Variants in KAZN observed in about 807,000 individuals in gnomAD.
The protein encoded by KAZN is kazrin, periplakin interacting protein.
Under a neutral mutation model 87.4 loss-of-function variants are expected in KAZN, and 40 were observed. The observed-to-expected ratio is 0.46, with a 90% CI of 0.36 to 0.60. The LOEUF (loss-of-function observed/expected upper bound fraction) is 0.60, where lower values mean the gene tolerates loss of function less well. Ranked by LOEUF, KAZN falls within the 20% of genes least tolerant of loss-of-function variation. KAZN has a pLI of 0.00. For missense variants in KAZN, 898 were observed against 1,073.9 expected (o/e 0.84, Z 2.29); for synonymous variants, 466 against 458.3 (o/e 1.02, Z -0.22).
intron 1 of KAZN, among the ~76,000 whole-genome samples, chr1:14,793,198 G>A (rs1645731524): frequency 6.6e-6 from 1 of 152,136 alleles, no homozygotes; most frequent in Non-Finnish European, 1.5e-5. Flanking sequence ...CAGTGGCCTG[G>A]GCAGGAAATG....
At chr1:14,098,894 C>G (rs1644186687) in intron 1 of KAZN, among the ~76,000 whole-genome samples, 1 of 152,196 alleles carries the variant, frequency 6.6e-6, no homozygotes, top group Non-Finnish European at 1.5e-5. Flanking sequence ...CATGTTGGCA[C>G]CCACACACAT....
intron 2 of KAZN, among the ~76,000 whole-genome samples, chr1:14,408,419 A>G (rs954291111): frequency 6.6e-6 from 1 of 152,226 alleles, no homozygotes; most frequent in East Asian, 1.9e-4. Context: ...GGAAAGCCAG[A>G]TGTATTAGTC....
chr1:14,452,622 G>A (rs1323333876), intron 2 of KAZN, among the ~76,000 whole-genome samples: 2 of 152,044 alleles, frequency 1.3e-5, no homozygotes, highest in Non-Finnish European at 2.9e-5. Flanking sequence ...TGTGGAATTG[G>A]CATACAGGGA....
intron 2 of KAZN, among the ~76,000 whole-genome samples, chr1:15,017,203 C>T (rs1391865953): frequency 6.6e-6 from 1 of 151,760 alleles, no homozygotes; most frequent in Non-Finnish European, 1.5e-5. Flanking sequence ...GAGGCTGAGG[C>T]ACGAGAATTG....
chr1:14,385,910 G>A (rs1047041009), intron 2 of KAZN, among the ~76,000 whole-genome samples: 47 of 147,766 alleles, frequency 3.2e-4, no homozygotes, highest in African/African-American at 1.1e-3. Context: ...GTTGACAGTG[G>A]GGTGTTAAAA....
chr1:14,546,123 GT>G (rs1673125638), intron 2 of KAZN, among the ~76,000 whole-genome samples: 1 of 152,180 alleles, frequency 6.6e-6, no homozygotes. Context: ...GTAGGTTCCT[GT>G]GATTGAAATC....
rs897583057 is a variant in KAZN, at chr1:15,032,873, C to T, written c.419-1876C>T. Among the ~76,000 whole-genome samples, 7 of 151,142 alleles carry T rather than the reference C, an allele frequency of 4.6e-5. No homozygotes were observed. In the East Asian group the frequency reaches 1.4e-3, roughly 30 times the overall value. On this transcript the variant is annotated intron_variant, in intron 2 of 14. Coordinates refer to ENST00000376030, the MANE Select transcript of KAZN (RefSeq NM_201628.3). ...CTGAGGCAGGAGAATCACTCGAACC[C>T]GGGAGGCGGAGATTGCAGTGAGCCG...
At chr1:14,914,236 C>T (rs922312400) in intron 1 of KAZN, among the ~76,000 whole-genome samples, 2 of 152,332 alleles carry the variant, frequency 1.3e-5, no homozygotes, top group African/African-American at 4.8e-5. Flanking sequence ...AGGGGCCACA[C>T]TTTGAGAACC....
At chr1:14,976,932 G>A (rs937371630) in intron 2 of KAZN, among the ~76,000 whole-genome samples, 5 of 152,150 alleles carry the variant, frequency 3.3e-5, no homozygotes, top group Non-Finnish European at 5.9e-5. Context: ...GTGGGCGCCT[G>A]TAATCCCAGC....
chr1:14,159,546 C>G (rs1033421378), intron 1 of KAZN, among the ~76,000 whole-genome samples: 13 of 152,308 alleles, frequency 8.5e-5, no homozygotes, highest in Admixed American at 2.6e-4. Flanking sequence ...AAATGCGGTC[C>G]AAAAGCCAAG....
chr1:14,649,163 T>G (rs1240836767), intron 1 of KAZN, among the ~76,000 whole-genome samples: 1 of 152,236 alleles, frequency 6.6e-6, no homozygotes, highest in African/African-American at 2.4e-5. Context: ...CTGAATTTTT[T>G]AGCTGAGTAA....
At chr1:14,994,817 C>T (rs896806504) in intron 2 of KAZN, among the ~76,000 whole-genome samples, 2 of 152,202 alleles carry the variant, frequency 1.3e-5, no homozygotes, top group Non-Finnish European at 2.9e-5. Flanking sequence ...TCAAACCTGC[C>T]TTATAAGAGG....
intron 2 of KAZN, among the ~76,000 whole-genome samples, chr1:14,381,488 G>A (rs1199039349): frequency 6.6e-6 from 1 of 152,140 alleles, no homozygotes; most frequent in Admixed American, 6.5e-5. Context: ...ATGACCAAGT[G>A]GGATTTATCC....
At chr1:14,896,421 C>A (rs998118797) in intron 1 of KAZN, among the ~76,000 whole-genome samples, 1 of 152,174 alleles carries the variant, frequency 6.6e-6, no homozygotes, top group Non-Finnish European at 1.5e-5. Flanking sequence ...AATATCAGTT[C>A]GGGTTTCACA....
intron 1 of KAZN, among the ~76,000 whole-genome samples, chr1:14,881,697 T>G (rs1164610606): frequency 6.6e-6 from 1 of 152,218 alleles, no homozygotes; most frequent in Non-Finnish European, 1.5e-5. Flanking sequence ...TCAAATCACC[T>G]GGAATCAAGT....
rs71000360 is a variant in KAZN, at chr1:15,041,331, C to CTTTTTT, written c.556-2648_556-2643dup. Among the ~76,000 whole-genome samples the CTTTTTT allele has an allele frequency of 4.4e-5, 5 of 114,172 alleles. 1 individual carries two copies. Among genetic ancestry groups the CTTTTTT allele is most frequent in the South Asian group, 2.9e-4 (1 of 3,432 alleles). The allele number at this position is 114,172 out of a possible 152,430, so 74.9% of individuals were successfully genotyped here. ...GTATTCTACTCTCCGCATTTTTTTT[C>CTTTTTT]TTTTTTTTTTTTTTTGTTTTTTTGA... On this transcript the variant is annotated intron_variant, in intron 3 of 14. Transcript: ENST00000376030.
At chr1:14,102,702 C>CT (rs548369304) in intron 1 of KAZN, among the ~76,000 whole-genome samples, 10 of 152,210 alleles carry the variant, frequency 6.6e-5, no homozygotes, top group Non-Finnish European at 1.0e-4. Flanking sequence ...TGTATTAGCT[C>CT]TTATGGCTGC....
At chr1:15,034,439 G>A (rs1298181648) in intron 2 of KAZN, among the ~76,000 whole-genome samples, 2 of 152,146 alleles carry the variant, frequency 1.3e-5, no homozygotes, top group African/African-American at 4.8e-5. Context: ...AGCCCACCAG[G>A]CCTCAGTTCT....
chr1:14,451,456 T>C (rs1351379707), intron 2 of KAZN, among the ~76,000 whole-genome samples: 1 of 152,078 alleles, frequency 6.6e-6, no homozygotes, highest in African/African-American at 2.4e-5. Context: ...CAGCTGAGAC[T>C]GAGTTTCTGG....
Sources: allele counts gnomAD v4.1 joint callset (sites outside exome capture counted in the v4.1 genomes callset), GRCh38; gene constraint gnomAD v4.1.1; transcripts MANE v1.5; gene names NCBI Gene and HGNC (gene_info 2026-07-23, HGNC 2026-07-21).